FPGS: variants seen among roughly 807,000 people sequenced by gnomAD.
FPGS encodes folylpolyglutamate synthase, mitochondrial.
A neutral mutation model predicts 66.5 loss-of-function variants in FPGS; 53 were observed. The ratio of observed to expected loss-of-function variants is 0.80; its 90% CI spans 0.64 to 1.00. The LOEUF is 1.00. Among genes scored for constraint, FPGS ranks in the 50% least tolerant of loss-of-function variants. The probability of loss-of-function intolerance (pLI) is 0.00; values close to 1 mark genes in which losing one functional copy is unlikely to be tolerated. For synonymous variants in FPGS, 348 were observed against 350.9 expected, an observed-to-expected ratio of 0.99 and a Z score of 0.09; for missense variants, 702 against 807.7, an observed-to-expected ratio of 0.87 and a Z score of 1.59.
rs772440872 is a variant in FPGS, at chr9:127,810,107, G to A, written c.1287+1G>A. 2 of 1,613,046 alleles carry A rather than the reference G, an allele frequency of 1.2e-6. No homozygotes were observed. Among genetic ancestry groups the A allele is most frequent in the Non-Finnish European group, 1.7e-6 (2 of 1,179,778 alleles). On this transcript the variant is annotated splice_donor_variant, in intron 13 of 14. Transcript: ENST00000373247. LOFTEE classifies it high-confidence loss of function. Reference sequence around the variant, plus strand: ...GGCGGCCCTGCTGAAGCTGCTGCAGGTGAGGGGCCAACTTGGGGGTGGGCG... The same window carrying A: ...GGCGGCCCTGCTGAAGCTGCTGCAGATGAGGGGCCAACTTGGGGGTGGGCG...
At position 127,804,543 on chromosome 9, in the gene FPGS, G is replaced by A. The variant is rs1400963786; in HGVS notation, c.312G>A (p.Thr104=). The A allele has an allele frequency of 4.3e-6, 7 of 1,614,072 alleles. No homozygotes were observed. The highest frequency in any genetic ancestry group is 5.1e-6 in the Non-Finnish European group (6 of 1,180,028). Residue 104 remains threonine, a synonymous_variant, in exon 3 of 15, where the codon ACG becomes ACA. Coordinates refer to ENST00000373247, the MANE Select transcript of FPGS (RefSeq NM_004957.6). ...TGAACATCATCCACGTCACTGGGAC[G>A]AAGGGGAAGGTGAGGGGCAGGACCC... ...DRLNIIHVTG[T]KGKGSTCAFT...
rs1334164448 is a variant in FPGS, at chr9:127,804,523, A to G, written c.292A>G (p.Ile98Val). 4 of 1,614,162 alleles carry G rather than the reference A, an allele frequency of 2.5e-6. No individual in the cohort carries two copies. The highest frequency in any genetic ancestry group is 2.7e-5 in the African/African-American group (2 of 75,036). Residue 98 changes from isoleucine to valine, a missense_variant, in exon 3 of 15, where the codon ATC becomes GTC. Around this residue, in one of 3 missense-constraint regions of FPGS, gnomAD observed 240 missense variants for 348.6 expected, o/e 0.69. Coordinates refer to ENST00000373247, the MANE Select transcript of FPGS (RefSeq NM_004957.6). ...LQVEDLDRLN[I>V]IHVTGTKGKG... ...GGTGGAGGACTTGGACCGGCTGAAC[A>G]TCATCCACGTCACTGGGACGAAGGG...
rs1033745758 is a variant in FPGS at position 127,813,235 on chromosome 9, C to T, written c.1395C>T (p.Leu465=). The change falls in exon 15 of 15, where the codon CTC becomes CTT. Residue 465 remains leucine, a synonymous_variant. Coordinates refer to ENST00000373247, the MANE Select transcript of FPGS (RefSeq NM_004957.6). The part of the protein sequence containing the change: ...NFTVTLDQVL[L]RCLEHQQHWN... ...CAGTGACACTGGACCAGGTCCTGCTCCGCTGCCTGGAACACCAGCAGCACT... is the reference window on the plus strand; with the variant it reads ...CAGTGACACTGGACCAGGTCCTGCTTCGCTGCCTGGAACACCAGCAGCACT... 3.7e-6 allele frequency: 6 copies of T among 1,607,038 alleles called. No homozygotes were observed. The highest frequency in any genetic ancestry group is 1.7e-4 in the Middle Eastern group (1 of 6,056).
intron 2 of FPGS, 33 bp from the exon 3 acceptor site, chr9:127,804,466 A>G (rs1554805748): frequency 1.9e-6 from 3 of 1,613,908 alleles, no homozygotes; most frequent in Non-Finnish European, 1.7e-6. Context: ...TGATTCCCGT[A>G]GCTGAGGCAG....
Position 127,813,855 on chromosome 9 carries a change from C to T in FPGS, c.*251C>T. On this transcript the variant is annotated 3_prime_UTR_variant, in exon 15 of 15. Coordinates refer to ENST00000373247, the MANE Select transcript of FPGS (RefSeq NM_004957.6). ...TCACTGTTGCAGTGGCCTGGCCGTTCAGCCTGTCTCCCCCAACACCCCGCC... is the reference window on the plus strand; with the variant it reads ...TCACTGTTGCAGTGGCCTGGCCGTTTAGCCTGTCTCCCCCAACACCCCGCC... The T allele has an allele frequency of 8.1e-7, 1 of 1,228,088 alleles. No individual in the cohort carries two copies. Among genetic ancestry groups the T allele is most frequent in the Non-Finnish European group, 1.0e-6 (1 of 985,850 alleles). 76.1% of individuals were successfully genotyped at this position (1,228,088 alleles called of 1,614,324 possible). A position where few individuals can be genotyped will look rare whatever the true frequency, so the allele number is the denominator to read the frequency against.
At position 127,807,316 on chromosome 9, in the gene FPGS, C is replaced by G; in HGVS notation, c.579+30C>G. On this transcript the variant is annotated intron_variant, in intron 6 of 14. Coordinates refer to ENST00000373247, the MANE Select transcript of FPGS (RefSeq NM_004957.6). The surrounding 1 kb of genome is among the most constrained non-coding windows in gnomAD (Gnocchi z 5.8). ...GTGCCCTCTCCCTAGAACCCTGCAT[C>G]TGAGGCCTTGGGAACGGGAACCTCA... The G allele has an allele frequency of 6.2e-7, 1 of 1,613,816 alleles. No homozygotes were observed. The highest frequency in any genetic ancestry group is 8.5e-7 in the Non-Finnish European group (1 of 1,179,714).
intron 1 of FPGS, among the ~76,000 whole-genome samples, chr9:127,803,945 A>G (rs1024229168): frequency 1.3e-5 from 2 of 152,296 alleles, no homozygotes; most frequent in South Asian, 2.1e-4. Context: ...AGGGAGCAAT[A>G]TAGCAATGGA....
In FPGS at chr9:127,813,596, T is replaced by C. The variant is rs1413607931; in HGVS notation, c.1756T>C (p.Ser586Pro). 6.6e-7 allele frequency: 1 copy of C among 1,519,206 alleles called. No homozygotes were observed. The highest frequency in any genetic ancestry group is 8.8e-7 in the Non-Finnish European group (1 of 1,131,588). 94.1% of individuals were successfully genotyped at this position (1,519,206 alleles called of 1,614,324 possible). The change falls in exon 15 of 15, where the codon TCC becomes CCC. Residue 586 changes from serine (S) to proline (P), a missense_variant. Ser to Pro is a moderately conservative substitution (Grantham distance 74). Around this residue, in one of 3 missense-constraint regions of FPGS, gnomAD observed 351 missense variants for 363.7 expected, o/e 0.97. Coordinates refer to ENST00000373247, the MANE Select transcript of FPGS (RefSeq NM_004957.6). ...CCTGAAGCTGCTGGAGCCCGCACTG[T>C]CCCAGTAGCCAAGGCCCGGGGTTGG... ...GVLKLLEPAL[S>P]Q
chr9:127,811,886 A>G (rs1246942481), intron 14 of FPGS, among the ~76,000 whole-genome samples: 7 of 152,196 alleles, frequency 4.6e-5, no homozygotes, highest in African/African-American at 7.2e-5. Context: ...AGTCTGTTCC[A>G]GGCATATGTA....
chr9:127,808,389 G>T (rs921813967), intron 9 of FPGS, 78 bp downstream of exon 9: 21 of 1,477,906 alleles, frequency 1.4e-5, no homozygotes, highest in Non-Finnish European at 1.8e-5. Context: ...ATCCTCTGGG[G>T]CCTCAGTTTG....
intron 14 of FPGS, among the ~76,000 whole-genome samples, chr9:127,812,774 G>A (rs962044582): frequency 4.6e-5 from 7 of 152,006 alleles, no homozygotes; most frequent in South Asian, 2.1e-4. Context: ...TGATCCGCCC[G>A]CCTCGGCCTC....
At position 127,808,792 on chromosome 9, in the gene FPGS, C is replaced by T. The variant is rs1232818984; in HGVS notation, c.971-8C>T. Reference sequence around the variant, plus strand: ...TCCCGGACACACTTGGTCTCACACACCCCGCAGGTGCTGGGGAGCCAAAGG... The same window carrying T: ...TCCCGGACACACTTGGTCTCACACATCCCGCAGGTGCTGGGGAGCCAAAGG... On this transcript the variant is annotated splice_region_variant and splice_polypyrimidine_tract_variant and intron_variant, in intron 10 of 14. Transcript: ENST00000373247. 5.8e-6 allele frequency: 9 copies of T among 1,556,720 alleles called. No individual in the cohort carries two copies. The highest frequency in any genetic ancestry group is 7.0e-6 in the Non-Finnish European group (8 of 1,150,166).
In FPGS at chr9:127,807,268, C is replaced by T. The variant is rs538649713; in HGVS notation, c.561C>T (p.His187=). ...GCTTCCTGACACTCATGGCCTTCCA[C>T]GTCTTCCTCCAAGAGAAGGTGTGTG... ...YFRFLTLMAF[H]VFLQEKVDLA... is the part of the protein sequence containing the mutation. The change falls in exon 6 of 15, where the codon CAC becomes CAT. Residue 187 remains histidine, a synonymous_variant. Coordinates refer to ENST00000373247, the MANE Select transcript of FPGS (RefSeq NM_004957.6). This position sits in a 1 kb window ranked among gnomAD's most constrained non-coding sequence, Gnocchi z 5.8. 4.0e-5 allele frequency: 64 copies of T among 1,614,188 alleles called. No homozygotes were observed. The highest frequency in any genetic ancestry group is 3.0e-4 in the South Asian group (27 of 91,090).
rs1360308919 is a variant in FPGS at position 127,802,887 on chromosome 9, C to T, written c.-38C>T. The T allele has an allele frequency of 1.5e-6, 2 of 1,294,040 alleles. No individual in the cohort carries two copies. The highest frequency in any genetic ancestry group is 9.8e-7 in the Non-Finnish European group (1 of 1,023,838). The allele number at this position is 1,294,040 out of a possible 1,614,324, so 80.2% of individuals were successfully genotyped here. A position where few individuals can be genotyped will look rare whatever the true frequency, so the allele number is the denominator to read the frequency against. ...GGCTGGGGGCGGGGCGGGGCGTCTCCCGCCCGGGCCTAGAGCGCTGCCGGG... is the reference window on the plus strand; with the variant it reads ...GGCTGGGGGCGGGGCGGGGCGTCTCTCGCCCGGGCCTAGAGCGCTGCCGGG... On this transcript the variant is annotated 5_prime_UTR_variant, in exon 1 of 15. Coordinates refer to ENST00000373247, the MANE Select transcript of FPGS (RefSeq NM_004957.6).
intron 14 of FPGS, among the ~76,000 whole-genome samples, chr9:127,811,649 C>T (rs1378194351): frequency 6.6e-6 from 1 of 152,070 alleles, no homozygotes. Context: ...ACATGCCCAG[C>T]TAAGTTTTAT....
chr9:127,812,697 G>GT (rs1489580035), intron 14 of FPGS, among the ~76,000 whole-genome samples: 3 of 129,962 alleles, frequency 2.3e-5, no homozygotes, highest in Admixed American at 8.3e-5. Context: ...TTTTGTGTGT[G>GT]TGTGTTTTTT....
At chr9:127,810,394 G>A (rs936128134) in intron 13 of FPGS, among the ~76,000 whole-genome samples, 1 of 152,102 alleles carries the variant, frequency 6.6e-6, no homozygotes, top group Non-Finnish European at 1.5e-5. Context: ...TTAGGCACTA[G>A]CATATCACCC....
chr9:127,810,077 G>C lies in FPGS; in HGVS notation c.1258G>C (p.Asp420His). 6.2e-7 allele frequency: 1 copy of C among 1,610,546 alleles called. No individual in the cohort carries two copies. Among genetic ancestry groups the C allele is most frequent in the Non-Finnish European group, 8.5e-7 (1 of 1,178,816 alleles). The change falls in exon 13 of 15, where the codon GAC (aspartate) becomes CAC (histidine). Residue 420 changes from aspartate to histidine, a missense_variant. Asp to His is a moderately conservative substitution (Grantham distance 81, BLOSUM62 -1). This residue lies in a region of FPGS where 351 missense variants were observed against 363.7 expected (regional missense o/e 0.97). Coordinates refer to ENST00000373247, the MANE Select transcript of FPGS (RefSeq NM_004957.6). ...VLLFNATGDR[D>H]PAALLKLLQP... is the part of the protein sequence containing the mutation. ...GCTCTTCAATGCTACCGGGGACCGGGACCCGGCGGCCCTGCTGAAGCTGCT... is the reference window on the plus strand; with the variant it reads ...GCTCTTCAATGCTACCGGGGACCGGCACCCGGCGGCCCTGCTGAAGCTGCT...
At chr9:127,809,457 C>A (rs1220335438) in intron 11 of FPGS, among the ~76,000 whole-genome samples, 1 of 152,192 alleles carries the variant, frequency 6.6e-6, no homozygotes, top group Admixed American at 6.5e-5. Flanking sequence ...GGCTGTCAAA[C>A]GGGAATAGCA....
Sources: allele counts gnomAD v4.1 joint callset (sites outside exome capture counted in the v4.1 genomes callset), GRCh38; gene constraint gnomAD v4.1.1; regional missense constraint gnomAD v4.1.1; non-coding constraint Gnocchi (gnomAD v3.1); transcripts MANE v1.5; gene names NCBI Gene and HGNC (gene_info 2026-07-23, HGNC 2026-07-21).